Variants in ACAD11 observed in about 807,000 individuals in gnomAD.
ACAD11 encodes the protein acyl-Coenzyme A dehydrogenase family, member 11.
Under a neutral mutation model 102.2 loss-of-function variants are expected in ACAD11, and 83 were observed. The ratio of observed to expected loss-of-function variants is 0.81; its 90% CI spans 0.68 to 0.97. The LOEUF is 0.97. Ranked by LOEUF, ACAD11 falls within the 50% of genes least tolerant of loss-of-function variation. The pLI, the probability that ACAD11 is intolerant of heterozygous loss-of-function variation, is 0.00. For synonymous variants in ACAD11, 324 were observed against 319.8 expected (o/e 1.01, Z -0.14); for missense variants, 901 against 951.7 (o/e 0.95, Z 0.70).
chr3:132,641,563 A>T (rs10935025), intron 4 of ACAD11, among the ~76,000 whole-genome samples: 10,150 of 87,066 alleles, frequency 0.12, 637 homozygotes, highest in East Asian at 0.36. Flanking sequence ...ATGATGATGA[A>T]GAAGAAGAAG....
chr3:132,572,056 T>C (rs1047537070), intron 17 of ACAD11, among the ~76,000 whole-genome samples: 2 of 152,110 alleles, frequency 1.3e-5, no homozygotes. Flanking sequence ...GTATTGGAAG[T>C]CCTGGGCAGA....
intron 17 of ACAD11, among the ~76,000 whole-genome samples, chr3:132,563,138 T>G (rs897124566): frequency 6.6e-6 from 1 of 152,226 alleles, no homozygotes; most frequent in Non-Finnish European, 1.5e-5. Flanking sequence ...TGGCCTATAT[T>G]TCTATGAATC....
At chr3:132,616,852 A>G (rs544162129) in intron 11 of ACAD11, among the ~76,000 whole-genome samples, 54 of 152,342 alleles carry the variant, frequency 3.5e-4, no homozygotes, top group African/African-American at 1.3e-3. Flanking sequence ...GTAGTACAGC[A>G]GTAATTTGAT....
chr3:132,621,251 T>C (rs1234648200), intron 9 of ACAD11: 1 of 151,912 alleles, frequency 6.6e-6, no homozygotes, highest in Non-Finnish European at 1.5e-5. Context: ...AAAGAGGAGG[T>C]TGCCTCCTTA....
chr3:132,620,480 A>G (rs1202332257), intron 9 of ACAD11: 4 of 152,220 alleles, frequency 2.6e-5, no homozygotes, highest in Non-Finnish European at 5.9e-5. Flanking sequence ...TCAAAATAAA[A>G]AACTATTTAT....
intron 11 of ACAD11, among the ~76,000 whole-genome samples, chr3:132,613,405 T>C (rs1048128390): frequency 1.2e-4 from 14 of 112,366 alleles, no homozygotes; most frequent in Non-Finnish European, 1.1e-4. Flanking sequence ...ATAAAAATAA[T>C]ATTCTAAAAC....
chr3:132,602,812 A>G (rs1279116094), intron 13 of ACAD11, among the ~76,000 whole-genome samples: 2 of 151,788 alleles, frequency 1.3e-5, no homozygotes, highest in Non-Finnish European at 2.9e-5. Context: ...TTATTTTTTC[A>G]TTTTTTTGAG....
intron 1 of ACAD11, among the ~76,000 whole-genome samples, chr3:132,657,866 CT>C (rs56190801): frequency 0.19 from 22,566 of 118,530 alleles, 1,217 homozygotes; most frequent in East Asian, 0.46. Flanking sequence ...ACACATATTC[CT>C]TTTTTTTTTT....
chr3:132,606,233 T>A (rs185928568), intron 11 of ACAD11, among the ~76,000 whole-genome samples: 10 of 152,236 alleles, frequency 6.6e-5, no homozygotes, highest in Non-Finnish European at 1.3e-4. Flanking sequence ...CTTCTCAAGA[T>A]GTCTGCACTC....
intron 15 of ACAD11, among the ~76,000 whole-genome samples, chr3:132,578,053 T>C (rs905443304): frequency 2.0e-5 from 3 of 152,162 alleles, no homozygotes; most frequent in Non-Finnish European, 2.9e-5. Context: ...ATTAGTCATA[T>C]TCAATGATAA....
intron 5 of ACAD11, among the ~76,000 whole-genome samples, chr3:132,633,712 T>TAC (rs1367609996): frequency 2.6e-5 from 4 of 152,194 alleles, no homozygotes; most frequent in African/African-American, 7.2e-5. Context: ...AACAGAGTAA[T>TAC]AGACCAATGG....
At chr3:132,639,992 T>A (rs62291558) in intron 4 of ACAD11, among the ~76,000 whole-genome samples, 13,922 of 147,598 alleles carry the variant, frequency 0.094, 790 homozygotes, top group South Asian at 0.14. Flanking sequence ...ACACACACAC[T>A]CTCTCTCACA....
At chr3:132,582,335 C>A (rs975766394) in intron 13 of ACAD11, among the ~76,000 whole-genome samples, 1 of 131,808 alleles carries the variant, frequency 7.6e-6, no homozygotes, top group African/African-American at 3.1e-5. Flanking sequence ...CAAACAGAAA[C>A]TGTTAAAAAA....
rs1940544613 is a variant in ACAD11, at chr3:132,642,003, T to C, written c.506A>G (p.Tyr169Cys). Residue 169 changes from tyrosine to cysteine, a missense_variant, in exon 4 of 20, where the codon TAT (tyrosine) becomes TGT (cysteine). Tyr to Cys is a radical substitution (Grantham distance 194). Transcript: ENST00000264990. ...TTTGCAGTACCCAGCACCTATACCATATCCTTCCAGCTGCAGTGACTGTAT... is the reference window on the plus strand; with the variant it reads ...TTTGCAGTACCCAGCACCTATACCACATCCTTCCAGCTGCAGTGACTGTAT... ...LNIQSLQLEGYGIGAGYCKRQ... is the reference protein window; with the variant it reads ...LNIQSLQLEGCGIGAGYCKRQ... 1 of 1,613,802 alleles carries C rather than the reference T, an allele frequency of 6.2e-7. No individual in the cohort carries two copies. The highest frequency in any genetic ancestry group is 1.1e-5 in the South Asian group (1 of 91,066).
rs140845964 is a variant in ACAD11 at position 132,558,581 on chromosome 3, A to G, written c.*390T>C. The G allele has an allele frequency of 3.5e-3, 564 of 159,858 alleles. 6 individuals carry two copies. The highest frequency in any genetic ancestry group is 0.012 in the African/African-American group (503 of 41,704). The allele number at this position is 159,858 out of a possible 1,614,324, so 9.9% of individuals were successfully genotyped here. A position where few individuals can be genotyped will look rare whatever the true frequency, so the allele number is the denominator to read the frequency against. On this transcript the variant is annotated 3_prime_UTR_variant, in exon 20 of 20. Transcript: ENST00000264990. ...CATGTCACGATCACAGCTTACTGTA[A>G]CCTCAAACTCCTAGACTCAAGCAAT...
chr3:132,631,060 GACCTTGCATCTAAAAAAC>G (rs961498470), intron 6 of ACAD11, among the ~76,000 whole-genome samples: 1 of 152,038 alleles, frequency 6.6e-6, no homozygotes, highest in Non-Finnish European at 1.5e-5. Flanking sequence ...GACAGAGCAA[GACCTTGCATCTAAAAAAC>G]ACCAACATGG....
chr3:132,655,694 A>C (rs1937753416), intron 1 of ACAD11, among the ~76,000 whole-genome samples: 1 of 152,160 alleles, frequency 6.6e-6, no homozygotes, highest in South Asian at 2.1e-4. Flanking sequence ...TACATTGTAA[A>C]GTTCAGAAGC....
intron 13 of ACAD11, 51 bp downstream of exon 13, chr3:132,603,178 C>T (rs748551299): frequency 4.3e-6 from 6 of 1,379,340 alleles, no homozygotes; most frequent in East Asian, 4.6e-5. Flanking sequence ...AGCATAGCAT[C>T]TGGAACAAAG....
chr3:132,610,365 C>A (rs1434867657), intron 11 of ACAD11, among the ~76,000 whole-genome samples: 1 of 152,076 alleles, frequency 6.6e-6, no homozygotes, highest in Non-Finnish European at 1.5e-5. Flanking sequence ...CAAGAAATAA[C>A]TAAGATCAGA....
Sources: gnomAD v4.1 joint callset for allele counts (sites outside exome capture counted in the v4.1 genomes callset) on GRCh38, gnomAD v4.1.1 for gene constraint, MANE v1.5 for transcripts, NCBI Gene and HGNC (gene_info 2026-07-23, HGNC 2026-07-21) for gene names.